The following CAMK2D variants were observed in gnomAD, a reference collection of about 807,000 sequenced individuals.
CAMK2D encodes calcium/calmodulin-dependent protein kinase type II subunit delta.
A neutral mutation model predicts 84.0 loss-of-function variants in CAMK2D; 37 were observed. The ratio of observed to expected loss-of-function variants is 0.44; its 90% CI spans 0.34 to 0.58. The LOEUF (loss-of-function observed/expected upper bound fraction) is 0.58. CAMK2D is among the 20% of genes least tolerant of loss of function. The pLI is 0.02. For synonymous variants in CAMK2D, 202 were observed against 212.5 expected (o/e 0.95, Z 0.43); for missense variants, 448 against 652.5 (o/e 0.69, Z 3.41).
At position 113,453,091 on chromosome 4, in the gene CAMK2D, C is replaced by G. The variant is rs556690812; in HGVS notation, c.*1454G>C. 1 of 152,004 alleles carries G rather than the reference C, an allele frequency of 6.6e-6. No individual in the cohort carries two copies. Among genetic ancestry groups the G allele is most frequent in the South Asian group, 2.1e-4 (1 of 4,814 alleles). 9.4% of individuals were successfully genotyped at this position (152,004 alleles called of 1,614,324 possible). A position where few individuals can be genotyped will look rare whatever the true frequency, so the allele number is the denominator to read the frequency against. On this transcript the variant is annotated 3_prime_UTR_variant, in exon 21 of 21. Coordinates refer to ENST00000511664, the MANE Select transcript of CAMK2D (RefSeq NM_001321571.2). Reference sequence around the variant, plus strand: ...CTGTAAAGCACTTCAGGGAAGAGAACAAAAATCACAGGAATTGAATCAACA... The same window carrying G: ...CTGTAAAGCACTTCAGGGAAGAGAAGAAAAATCACAGGAATTGAATCAACA...
chr4:113,624,494 A>G (rs1360393063), intron 3 of CAMK2D, among the ~76,000 whole-genome samples: 1 of 152,204 alleles, frequency 6.6e-6, no homozygotes, highest in African/African-American at 2.4e-5. Flanking sequence ...AACGGTGGGC[A>G]TATTCCTTTG....
At chr4:113,528,861 T>C (rs1012866819) in intron 8 of CAMK2D, among the ~76,000 whole-genome samples, 3 of 152,192 alleles carry the variant, frequency 2.0e-5, no homozygotes, top group African/African-American at 7.2e-5. Flanking sequence ...ATATCTTCCA[T>C]TAACATTTAG....
At chr4:113,602,299 T>C (rs1474111371) in intron 4 of CAMK2D, among the ~76,000 whole-genome samples, 1 of 152,214 alleles carries the variant, frequency 6.6e-6, no homozygotes, top group Non-Finnish European at 1.5e-5. Flanking sequence ...TTCTCTGACA[T>C]ACAGTTCCTG....
chr4:113,620,196 T>C (rs925552046), intron 3 of CAMK2D, among the ~76,000 whole-genome samples: 1 of 152,144 alleles, frequency 6.6e-6, no homozygotes, highest in African/African-American at 2.4e-5. Context: ...AGAAAACATC[T>C]GTCCATCCCT....
rs565925140 is a variant in CAMK2D, at chr4:113,515,560, A to AACTT, written c.697-373_697-370dup. ...CAATCTTTCTCATAATTATTTGCAA[A>AACTT]ACTTAATAAAAGCAAACAGGTTGCT... On this transcript the variant is annotated intron_variant, in intron 9 of 20. Transcript: ENST00000511664. Among the ~76,000 whole-genome samples the AACTT allele has an allele frequency of 3.8e-3, 586 of 152,282 alleles. 5 individuals carry two copies. The highest frequency in any genetic ancestry group is 0.014 in the African/African-American group (566 of 41,550).
At chr4:113,491,573 A>G (rs987690150) in intron 16 of CAMK2D, among the ~76,000 whole-genome samples, 1 of 152,034 alleles carries the variant, frequency 6.6e-6, no homozygotes, top group Non-Finnish European at 1.5e-5. Flanking sequence ...TTTTGCATCA[A>G]TGTTCATCAA....
At chr4:113,578,074 C>T (rs6851826) in intron 4 of CAMK2D, among the ~76,000 whole-genome samples, 110,118 of 151,994 alleles carry the variant, frequency 0.72, 40,171 homozygotes, top group Middle Eastern at 0.78. Flanking sequence ...ACTTGAGCTC[C>T]ACTCTAAAAG....
chr4:113,753,658 T>C (rs1285143624), intron 2 of CAMK2D: 1 of 377,616 alleles, frequency 2.6e-6, no homozygotes, highest in Non-Finnish European at 3.6e-6. Flanking sequence ...ATAATTTTAT[T>C]CTAAAAATAA....
At chr4:113,583,186 T>A (rs2098818660) in intron 4 of CAMK2D, among the ~76,000 whole-genome samples, 2 of 152,174 alleles carry the variant, frequency 1.3e-5, no homozygotes, top group South Asian at 4.1e-4. Flanking sequence ...AAACAAGAAT[T>A]TTCCAGGGTT....
chr4:113,556,015 A>T (rs1176794586), intron 4 of CAMK2D, among the ~76,000 whole-genome samples: 1 of 152,162 alleles, frequency 6.6e-6, no homozygotes, highest in Non-Finnish European at 1.5e-5. Context: ...GCACGCTGAT[A>T]CGCTGATATC....
chr4:113,485,589 A>G (rs17046104), intron 16 of CAMK2D, among the ~76,000 whole-genome samples: 4,433 of 152,218 alleles, frequency 0.029, 217 homozygotes, highest in African/African-American at 0.099. Context: ...ATAGCCTTCA[A>G]ATACATATGC....
chr4:113,589,625 A>T (rs2098851439), intron 4 of CAMK2D, among the ~76,000 whole-genome samples: 1 of 152,160 alleles, frequency 6.6e-6, no homozygotes, highest in South Asian at 2.1e-4. Flanking sequence ...CACTAAGAGG[A>T]GTAACTTTGA....
chr4:113,617,703 T>C (rs2099027158), intron 3 of CAMK2D, among the ~76,000 whole-genome samples: 1 of 150,042 alleles, frequency 6.7e-6, no homozygotes, highest in South Asian at 2.1e-4. Flanking sequence ...TCTTGCTATG[T>C]TGCTGAGGCT....
At chr4:113,674,117 G>A (rs1230407411) in intron 2 of CAMK2D, among the ~76,000 whole-genome samples, 1 of 152,046 alleles carries the variant, frequency 6.6e-6, no homozygotes, top group Non-Finnish European at 1.5e-5. Context: ...TGGAAGCAGA[G>A]CTAGGAAGAA....
intron 2 of CAMK2D, among the ~76,000 whole-genome samples, chr4:113,722,556 C>T (rs1351536466): frequency 6.6e-6 from 1 of 152,088 alleles, no homozygotes; most frequent in South Asian, 2.1e-4. Context: ...TTTCTTAATA[C>T]CGAACCCTAG....
intron 16 of CAMK2D, among the ~76,000 whole-genome samples, chr4:113,490,815 C>T (rs1190397291): frequency 8.7e-6 from 1 of 115,176 alleles, no homozygotes; most frequent in African/African-American, 3.8e-5. Flanking sequence ...TCTTTTATTT[C>T]CTTGAGCAGT....
intron 16 of CAMK2D, 104 bp downstream of exon 16, chr4:113,500,359 G>A (rs2098018478): frequency 1.8e-6 from 1 of 552,700 alleles, no homozygotes; most frequent in Admixed American, 3.3e-5. Context: ...TGTGCTTTAG[G>A]ATAGGCCTAC....
chr4:113,725,136 C>CAA (rs2099542129), intron 2 of CAMK2D, among the ~76,000 whole-genome samples: 1 of 151,932 alleles, frequency 6.6e-6, no homozygotes, highest in Non-Finnish European at 1.5e-5. Flanking sequence ...TGCACTACAT[C>CAA]AAATGAAAAT....
Position 113,627,870 on chromosome 4 carries a change from C to T in CAMK2D, c.221-18664G>A, listed in dbSNP as rs530559824. On this transcript the variant is annotated intron_variant, in intron 3 of 20. Transcript: ENST00000511664. Reference sequence around the variant, plus strand: ...TGCTCTGCATGTCTGTGAAGGTCCACGAGTGACCACCAAAGGGCTTCAAGT... The same window carrying T: ...TGCTCTGCATGTCTGTGAAGGTCCATGAGTGACCACCAAAGGGCTTCAAGT... 1.8e-4 allele frequency among the ~76,000 whole-genome samples: 28 copies of T among 152,250 alleles called. No homozygotes were observed. The South Asian group carries it at 5.0e-3, about 27-fold the overall frequency.
Sources: gnomAD v4.1 joint callset for allele counts (sites outside exome capture counted in the v4.1 genomes callset) on GRCh38, gnomAD v4.1.1 for gene constraint, MANE v1.5 for transcripts, NCBI Gene and HGNC (gene_info 2026-07-23, HGNC 2026-07-21) for gene names.